Variants in ZNF407 observed in about 807,000 individuals in gnomAD.
The protein encoded by ZNF407 is zinc finger protein 407.
In ZNF407, 17 loss-of-function variants were observed where a neutral mutation model predicts 131.2. That is an observed-to-expected ratio of 0.13 (90% CI 0.09 to 0.19). The LOEUF is 0.19. Among genes scored for constraint, ZNF407 ranks in the 10% least tolerant of loss-of-function variants. The pLI, the probability that ZNF407 is intolerant of heterozygous loss-of-function variation, is 1.00. For synonymous variants in ZNF407, 1,156 were observed against 1,062.0 expected, an observed-to-expected ratio of 1.09 and a Z score of -1.72; for missense variants, 2,681 against 2,830.6, an observed-to-expected ratio of 0.95 and a Z score of 1.20.
At chr18:75,053,684 G>A (rs1444147006) in intron 8 of ZNF407, among the ~76,000 whole-genome samples, 1 of 152,220 alleles carries the variant, frequency 6.6e-6, no homozygotes, top group African/African-American at 2.4e-5. Context: ...GTTTCTACTG[G>A]TTAGGAAGAA....
chr18:74,858,539 G>C (rs373846995), intron 4 of ZNF407, among the ~76,000 whole-genome samples: 1 of 152,156 alleles, frequency 6.6e-6, no homozygotes, highest in African/African-American at 2.4e-5. Flanking sequence ...ATCTTTGAGG[G>C]AACAGGTAGT....
chr18:74,768,465 G>T (rs919057193), intron 3 of ZNF407, among the ~76,000 whole-genome samples: 1 of 152,146 alleles, frequency 6.6e-6, no homozygotes, highest in Non-Finnish European at 1.5e-5. Context: ...TTATTGATTG[G>T]TGTTTTATTC....
intron 1 of ZNF407, among the ~76,000 whole-genome samples, chr18:74,618,207 T>C (rs2144634205): frequency 6.6e-6 from 1 of 152,286 alleles, no homozygotes; most frequent in African/African-American, 2.4e-5. Context: ...TTTCCCTACT[T>C]TCTGCCGTAA....
rs143376732 is a variant in ZNF407 at position 74,978,952 on chromosome 18, G to A, written c.5428+58260G>A. Among the ~76,000 whole-genome samples, 686 of 152,264 alleles carry A rather than the reference G, an allele frequency of 4.5e-3. 9 individuals carry two copies. Among genetic ancestry groups the A allele is most frequent in the African/African-American group, 0.016 (661 of 41,552 alleles). Reference sequence around the variant, plus strand: ...CCATCGGGAGAGGCGTGAGGGCTGTGGGCGGCAAATGAGACCTGTGGAGGC... The same window carrying A: ...CCATCGGGAGAGGCGTGAGGGCTGTAGGCGGCAAATGAGACCTGTGGAGGC... On this transcript the variant is annotated intron_variant, in intron 8 of 8. Transcript: ENST00000299687.
At chr18:74,731,159 A>G (rs1476828215) in intron 3 of ZNF407, among the ~76,000 whole-genome samples, 1 of 152,162 alleles carries the variant, frequency 6.6e-6, no homozygotes, top group Non-Finnish European at 1.5e-5. Context: ...TTGATTTAGC[A>G]ATTTATGTAA....
chr18:74,655,765 C>A (rs1369049091), intron 3 of ZNF407, among the ~76,000 whole-genome samples: 1 of 152,144 alleles, frequency 6.6e-6, no homozygotes, highest in Admixed American at 6.5e-5. Context: ...GTGTATAAAA[C>A]TGATGTGATT....
intron 3 of ZNF407, among the ~76,000 whole-genome samples, chr18:74,645,174 G>C (rs1984912599): frequency 6.6e-6 from 1 of 152,018 alleles, no homozygotes; most frequent in African/African-American, 2.4e-5. Flanking sequence ...ATAATAGCAG[G>C]AGGTAAGGGT....
intron 8 of ZNF407, among the ~76,000 whole-genome samples, chr18:75,032,174 G>A (rs1222609458): frequency 2.0e-5 from 3 of 152,292 alleles, no homozygotes; most frequent in East Asian, 1.9e-4. Context: ...AAGGCTGTCC[G>A]TCAAACAAGC....
At chr18:74,622,306 G>A (rs1327699628) in intron 1 of ZNF407, among the ~76,000 whole-genome samples, 1 of 152,194 alleles carries the variant, frequency 6.6e-6, no homozygotes, top group Non-Finnish European at 1.5e-5. Context: ...ATTTTCAACA[G>A]GAAGTCAGCT....
chr18:74,996,393 C>T (rs1419663406), intron 8 of ZNF407, among the ~76,000 whole-genome samples: 1 of 152,176 alleles, frequency 6.6e-6, no homozygotes, highest in Non-Finnish European at 1.5e-5. Context: ...TGATTGGTTA[C>T]TTACAGTCTT....
intron 8 of ZNF407, among the ~76,000 whole-genome samples, chr18:74,935,806 G>A (rs991703683): frequency 2.0e-5 from 3 of 152,160 alleles, no homozygotes; most frequent in Non-Finnish European, 4.4e-5. Flanking sequence ...GGCACATACA[G>A]TAAAAGCTGA....
chr18:74,800,234 CT>C (rs1161995785), intron 4 of ZNF407, among the ~76,000 whole-genome samples: 2 of 151,998 alleles, frequency 1.3e-5, no homozygotes, highest in African/African-American at 2.4e-5. Context: ...TGAATTTGGT[CT>C]GCTTTTTGTA....
intron 7 of ZNF407, among the ~76,000 whole-genome samples, chr18:74,907,516 A>C (rs1971611906): frequency 6.6e-6 from 1 of 152,152 alleles, no homozygotes; most frequent in East Asian, 1.9e-4. Flanking sequence ...CAGTAACCGT[A>C]CATGGTCGGG....
chr18:74,948,919 A>G (rs974601661), intron 8 of ZNF407, among the ~76,000 whole-genome samples: 4 of 152,234 alleles, frequency 2.6e-5, no homozygotes, highest in Non-Finnish European at 5.9e-5. Context: ...TTTTATATAA[A>G]GGTTTCATTT....
At chr18:74,937,147 C>T (rs1009826763) in intron 8 of ZNF407, among the ~76,000 whole-genome samples, 10 of 152,170 alleles carry the variant, frequency 6.6e-5, no homozygotes, top group African/African-American at 2.4e-4. Context: ...CTGGAAATTT[C>T]TTCCACAGCC....
At chr18:74,739,432 G>C (rs1046415095) in intron 3 of ZNF407, among the ~76,000 whole-genome samples, 6 of 151,950 alleles carry the variant, frequency 3.9e-5, no homozygotes, top group Admixed American at 3.9e-4. Context: ...TAACTAAAAA[G>C]TAGGTGGTCA....
chr18:74,833,742 T>A (rs1045173435), intron 4 of ZNF407, among the ~76,000 whole-genome samples: 1 of 152,320 alleles, frequency 6.6e-6, no homozygotes, highest in Middle Eastern at 3.4e-3. Context: ...GAAAGTTCAC[T>A]CTGGCTGACT....
chr18:74,623,130 G>T (rs564274536), intron 1 of ZNF407, among the ~76,000 whole-genome samples: 1 of 124,216 alleles, frequency 8.1e-6, no homozygotes, highest in African/African-American at 3.0e-5. Flanking sequence ...GTGTGACTGT[G>T]TGTGTGTCCG....
chr18:74,811,830 C>A (rs891659921), intron 4 of ZNF407, among the ~76,000 whole-genome samples: 14 of 148,530 alleles, frequency 9.4e-5, no homozygotes, highest in Non-Finnish European at 2.1e-4. Context: ...ACAATGAGAA[C>A]ACATGGACAC....
Sources: gnomAD v4.1 joint callset for allele counts (sites outside exome capture counted in the v4.1 genomes callset) on GRCh38, gnomAD v4.1.1 for gene constraint, MANE v1.5 for transcripts, NCBI Gene and HGNC (gene_info 2026-07-23, HGNC 2026-07-21) for gene names.